The following ST6GALNAC3 variants were observed in gnomAD, a reference collection of about 807,000 sequenced individuals.
ST6GALNAC3 encodes alpha-N-acetylgalactosaminide alpha-2,6-sialyltransferase 3.
In ST6GALNAC3, 25 loss-of-function variants were observed where a neutral mutation model predicts 32.7. The observed-to-expected ratio is 0.76, with a 90% CI of 0.56 to 1.07. ST6GALNAC3 has a LOEUF of 1.07. ST6GALNAC3 is among the 50% of genes least tolerant of loss of function. The pLI is 0.00. For synonymous variants in ST6GALNAC3, 129 were observed against 133.1 expected, an observed-to-expected ratio of 0.97 and a Z score of 0.21; for missense variants, 355 against 382.4, an observed-to-expected ratio of 0.93 and a Z score of 0.60.
At chr1:76,611,903 C>T (rs116213201) in intron 3 of ST6GALNAC3, among the ~76,000 whole-genome samples, 3,805 of 152,222 alleles carry the variant, frequency 0.025, 168 homozygotes, top group African/African-American at 0.086. Context: ...GAAAGTGCCA[C>T]GATGAATTGT....
At chr1:76,553,543 C>A (rs954386185) in intron 3 of ST6GALNAC3, among the ~76,000 whole-genome samples, 8 of 152,178 alleles carry the variant, frequency 5.3e-5, no homozygotes, top group African/African-American at 1.9e-4. Flanking sequence ...CTTAACTGCC[C>A]CGCATAACTG....
chr1:76,572,448 C>T (rs1646717425), intron 3 of ST6GALNAC3, among the ~76,000 whole-genome samples: 1 of 152,054 alleles, frequency 6.6e-6, no homozygotes, highest in Non-Finnish European at 1.5e-5. Context: ...TGTTTCATAT[C>T]TATAACCTCT....
At chr1:76,167,248 T>A (rs1441979549) in intron 1 of ST6GALNAC3, among the ~76,000 whole-genome samples, 1 of 152,230 alleles carries the variant, frequency 6.6e-6, no homozygotes, top group Non-Finnish European at 1.5e-5. Context: ...CTGCATCTAT[T>A]GAAATAATCA....
At chr1:76,207,330 T>C (rs1050855604) in intron 1 of ST6GALNAC3, among the ~76,000 whole-genome samples, 8 of 152,212 alleles carry the variant, frequency 5.3e-5, no homozygotes, top group African/African-American at 1.9e-4. Context: ...AGCTCAGGGC[T>C]GCACTGCCTC....
intron 3 of ST6GALNAC3, among the ~76,000 whole-genome samples, chr1:76,425,714 G>T (rs991222264): frequency 6.6e-6 from 1 of 151,924 alleles, no homozygotes; most frequent in Non-Finnish European, 1.5e-5. Context: ...AAACCTTGCC[G>T]AGAGAGACCA....
Position 76,181,098 on chromosome 1 carries a change from C to T in ST6GALNAC3, c.18+106214C>T, listed in dbSNP as rs555760035. The stretch of plus-strand genomic sequence containing the variant: ...GTGGGGCCAGAGCCCAGCATCCCAA[C>T]CCCTGCACCTGTCCGTCTGCATGCT... On this transcript the variant is annotated intron_variant, in intron 1 of 4. Coordinates refer to ENST00000328299, the MANE Select transcript of ST6GALNAC3 (RefSeq NM_152996.4). Among the ~76,000 whole-genome samples the T allele has an allele frequency of 3.9e-5, 6 of 152,326 alleles. No individual in the cohort carries two copies. In the East Asian group the frequency reaches 7.7e-4, roughly 20 times the overall value.
At chr1:76,208,093 C>T (rs899968264) in intron 1 of ST6GALNAC3, among the ~76,000 whole-genome samples, 2 of 136,920 alleles carry the variant, frequency 1.5e-5, no homozygotes, top group African/African-American at 5.2e-5. Flanking sequence ...TCCTTTCATG[C>T]CTCAGGGACT....
chr1:76,287,048 G>A (rs1312750173), intron 1 of ST6GALNAC3, among the ~76,000 whole-genome samples: 1 of 151,902 alleles, frequency 6.6e-6, no homozygotes, highest in Non-Finnish European at 1.5e-5. Context: ...GTTGTTAGAA[G>A]AAATTGATGA....
At chr1:76,213,213 A>C (rs1484189726) in intron 1 of ST6GALNAC3, among the ~76,000 whole-genome samples, 1 of 152,092 alleles carries the variant, frequency 6.6e-6, no homozygotes, top group African/African-American at 2.4e-5. Flanking sequence ...TAGGAATGAC[A>C]TGTGGTACTT....
At chr1:76,608,578 CA>C (rs1647711869) in intron 3 of ST6GALNAC3, among the ~76,000 whole-genome samples, 1 of 146,304 alleles carries the variant, frequency 6.8e-6, no homozygotes, top group South Asian at 2.2e-4. Flanking sequence ...AGGGGAAGAT[CA>C]AAAGCCCTGA....
chr1:76,119,877 C>T (rs1243705552), intron 1 of ST6GALNAC3, among the ~76,000 whole-genome samples: 1 of 110,528 alleles, frequency 9.0e-6, no homozygotes, highest in East Asian at 2.6e-4. Context: ...CTGGCAGGTC[C>T]GTGGGACTGT....
At chr1:76,562,766 T>C (rs142870587) in intron 3 of ST6GALNAC3, among the ~76,000 whole-genome samples, 305 of 152,344 alleles carry the variant, frequency 2.0e-3, no homozygotes, top group African/African-American at 7.0e-3. Flanking sequence ...GATCCAGATC[T>C]GCTGGAGATT....
chr1:76,515,525 C>T (rs1274237004), intron 3 of ST6GALNAC3, among the ~76,000 whole-genome samples: 1 of 151,904 alleles, frequency 6.6e-6, no homozygotes, highest in Non-Finnish European at 1.5e-5. Context: ...AGGAATCTTC[C>T]TTATTTTTTG....
rs2577805 is a variant in ST6GALNAC3 at position 76,112,352 on chromosome 1, C to T, written c.18+37468C>T. Among the ~76,000 whole-genome samples, 5 of 133,438 alleles carry T rather than the reference C, an allele frequency of 3.7e-5. No individual in the cohort carries two copies. In the South Asian group the frequency reaches 1.0e-3, roughly 27 times the overall value. 87.5% of individuals were successfully genotyped at this position (133,438 alleles called of 152,430 possible). A position where few individuals can be genotyped will look rare whatever the true frequency, so the allele number is the denominator to read the frequency against. ...GGCGCCCCTCACCTCCCGGACGGGG[C>T]GGCTGGCCGGGCGGGGGGCTGACCC... On this transcript the variant is annotated intron_variant, in intron 1 of 4. Coordinates refer to ENST00000328299, the MANE Select transcript of ST6GALNAC3 (RefSeq NM_152996.4).
intron 3 of ST6GALNAC3, chr1:76,577,074 G>T (rs1646822224): frequency 3.6e-6 from 4 of 1,107,256 alleles, no homozygotes; most frequent in Non-Finnish European, 4.5e-6. Context: ...AATTATTCAG[G>T]TATGATGGTT....
intron 3 of ST6GALNAC3, among the ~76,000 whole-genome samples, chr1:76,486,474 T>C (rs1660122917): frequency 6.6e-6 from 1 of 152,254 alleles, no homozygotes; most frequent in Non-Finnish European, 1.5e-5. Flanking sequence ...TTTACCATTA[T>C]GTAATGGCCT....
chr1:76,476,616 T>C (rs1659370005), intron 3 of ST6GALNAC3, among the ~76,000 whole-genome samples: 1 of 152,204 alleles, frequency 6.6e-6, no homozygotes, highest in Non-Finnish European at 1.5e-5. Flanking sequence ...GGTATGATTT[T>C]GAGGACTGGG....
At chr1:76,241,490 T>TCCCTTC (rs1656964856) in intron 1 of ST6GALNAC3, among the ~76,000 whole-genome samples, 1 of 152,106 alleles carries the variant, frequency 6.6e-6, no homozygotes, top group African/African-American at 2.4e-5. Flanking sequence ...ACTCACCCTT[T>TCCCTTC]CCCTTCCCCA....
At chr1:76,354,734 C>T (rs960619856) in intron 2 of ST6GALNAC3, among the ~76,000 whole-genome samples, 18 of 151,938 alleles carry the variant, frequency 1.2e-4, no homozygotes, top group Non-Finnish European at 2.1e-4. Context: ...GCCAGTATTT[C>T]CTCAGAACTT....
Sources: allele counts gnomAD v4.1 joint callset (sites outside exome capture counted in the v4.1 genomes callset), GRCh38; gene constraint gnomAD v4.1.1; transcripts MANE v1.5; gene names NCBI Gene and HGNC (gene_info 2026-07-23, HGNC 2026-07-21).